The following GMPPA variants were observed in gnomAD, a reference collection of about 807,000 sequenced individuals.
The protein encoded by GMPPA is GDP-mannose pyrophosphorylase A.
Under a neutral mutation model 58.6 loss-of-function variants are expected in GMPPA, and 46 were observed. The ratio of observed to expected loss-of-function variants is 0.78; its 90% CI spans 0.62 to 1.00. The LOEUF is 1.00. GMPPA is among the 50% of genes least tolerant of loss of function. The pLI, the probability that GMPPA is intolerant of heterozygous loss-of-function variation, is 0.00. For synonymous variants in GMPPA, 211 were observed against 214.9 expected, an observed-to-expected ratio of 0.98 and a Z score of 0.16; for missense variants, 468 against 556.4, an observed-to-expected ratio of 0.84 and a Z score of 1.60.
chr2:219,506,550 T>TGTGCCAGG (rs2125644371), intron 12 of GMPPA, 128 bp downstream of exon 12: 1 of 1,069,872 alleles, frequency 9.3e-7, no homozygotes, highest in African/African-American at 1.6e-5. Flanking sequence ...GGGCCTGCTG[T>TGTGCCAGG]GTGCCAGGCC....
chr2:219,501,227 C>T (rs1694377547), intron 3 of GMPPA: 3 of 457,954 alleles, frequency 6.6e-6, no homozygotes. Context: ...CATGCCACTG[C>T]ACTCCAGCCT....
In GMPPA at chr2:219,506,897, T is replaced by TGG; in HGVS notation, c.*100_*101dup. 1 of 694,794 alleles carries TGG rather than the reference T, an allele frequency of 1.4e-6. No homozygotes were observed. The highest frequency in any genetic ancestry group is 2.6e-6 in the Non-Finnish European group (1 of 379,086). The allele number at this position is 694,794 out of a possible 1,614,324, so 43.0% of individuals were successfully genotyped here. ...CAGAAAGGACCAGAGAAAGCCAGGC[T>TGG]GGATCGTCACATGCCGGGGAGCAAT... On this transcript the variant is annotated 3_prime_UTR_variant, in exon 13 of 13. Coordinates refer to ENST00000313597, the MANE Select transcript of GMPPA (RefSeq NM_013335.4).
At chr2:219,499,476 C>A (rs1282955789) in intron 1 of GMPPA, among the ~76,000 whole-genome samples, 5 of 152,122 alleles carry the variant, frequency 3.3e-5, no homozygotes, top group African/African-American at 1.2e-4. Flanking sequence ...GAATTTGAGG[C>A]TTCAGTATTT....
In GMPPA at chr2:219,500,266, A is replaced by T. The variant is rs112923106; in HGVS notation, c.138+48A>T. On this transcript the variant is annotated intron_variant, in intron 3 of 12. Coordinates refer to ENST00000313597, the MANE Select transcript of GMPPA (RefSeq NM_013335.4). ...CTCACCTCACTTCCTGCTTATCTTC[A>T]TGCTGTTTCCCCCTTTCCCAACCAT... 50 of 1,017,870 alleles carry T rather than the reference A, an allele frequency of 4.9e-5. No homozygotes were observed. The East Asian group carries it at 6.5e-4, about 13-fold the overall frequency. 63.1% of individuals were successfully genotyped at this position (1,017,870 alleles called of 1,614,324 possible). A position where few individuals can be genotyped will look rare whatever the true frequency, so the allele number is the denominator to read the frequency against.
Position 219,504,088 on chromosome 2 carries a change from G to A in GMPPA, c.495G>A (p.Leu165=), listed in dbSNP as rs181901772. ...IVENPQTHEV[L]HYVEKPSTFI... The stretch of plus-strand genomic sequence containing the variant: ...CCAGCCTGCTCTGTCCTCAGGTATT[G>A]CACTATGTGGAGAAACCCAGCACAT... The change falls in exon 7 of 13, where the codon TTG becomes TTA. Residue 165 remains leucine, a synonymous_variant. Transcript: ENST00000313597. The A allele has an allele frequency of 2.4e-4, 394 of 1,614,146 alleles. No individual in the cohort carries two copies. In the East Asian group the frequency reaches 7.7e-3, roughly 31 times the overall value.
rs891187247 is a variant in GMPPA at position 219,502,747 on chromosome 2, T to C, written c.489+306T>C. On this transcript the variant is annotated intron_variant, in intron 6 of 12. Transcript: ENST00000313597. The surrounding 1 kb of genome is among the most constrained non-coding windows in gnomAD (Gnocchi z 4.0). ...AGAGGGCTTCCTGGAGGAAGCAAGG[T>C]CTGAGCAGAGTCCCATTTGTCTAGA... 1.3e-5 allele frequency among the ~76,000 whole-genome samples: 2 copies of C among 151,784 alleles called. No homozygotes were observed. Among genetic ancestry groups the C allele is most frequent in the Non-Finnish European group, 2.9e-5 (2 of 67,942 alleles).
chr2:219,503,842 G>A (rs1331303251), intron 6 of GMPPA, among the ~76,000 whole-genome samples: 3 of 152,238 alleles, frequency 2.0e-5, no homozygotes. Flanking sequence ...GAGGTAGGTG[G>A]TGGGGAGGAT....
rs568574377 is a variant in GMPPA, at chr2:219,500,131, C to G, written c.51C>G (p.Phe17Leu). The G allele has an allele frequency of 1.2e-6, 2 of 1,604,136 alleles. No individual in the cohort carries two copies. Among genetic ancestry groups the G allele is most frequent in the South Asian group, 2.2e-5 (2 of 89,932 alleles). ...TCTCTCCTCTCCCAGGAACTCGCTT[C>G]AGACCTTTGTCTTTTGAGGTGCCCA... ...LIGGPQKGTR[F>L]RPLSFEVPKP... is the part of the protein sequence containing the mutation. The change falls in exon 3 of 13, where the codon TTC becomes TTG. Residue 17 changes from phenylalanine to leucine, a missense_variant. By Grantham distance (22) the Phe-to-Leu change is conservative (BLOSUM62 0). Coordinates refer to ENST00000313597, the MANE Select transcript of GMPPA (RefSeq NM_013335.4).
Position 219,502,415 on chromosome 2 carries a change from A to G in GMPPA, c.463A>G (p.Ile155Val), listed in dbSNP as rs1359515119. 1.2e-6 allele frequency: 2 copies of G among 1,613,938 alleles called. No homozygotes were observed. Among genetic ancestry groups the G allele is most frequent in the African/African-American group, 2.7e-5 (2 of 75,008 alleles). Residue 155 changes from isoleucine (I) to valine (V), a missense_variant, in exon 6 of 13, where the codon ATC (isoleucine) becomes GTC (valine). By Grantham distance (29) the Ile-to-Val change is conservative. Transcript: ENST00000313597. The surrounding 1 kb of genome is among the most constrained non-coding windows in gnomAD (Gnocchi z 4.0). ...NRTQSLNYGC[I>V]VENPQTHEVL... ...GACGCAATCCCTCAACTACGGCTGC[A>G]TCGTTGAGAATCCACAGACACACGA...
At chr2:219,504,347 A>G in intron 7 of GMPPA, 134 bp downstream of exon 7, 1 of 785,788 alleles carries the variant, frequency 1.3e-6, no homozygotes, top group Non-Finnish European at 2.0e-6. Context: ...TGCCATCTCC[A>G]GCAGAGCCTC....
At chr2:219,499,933 G>C (rs763260373) in intron 1 of GMPPA, 23 bp from the exon 2 acceptor site, 1 of 1,598,026 alleles carries the variant, frequency 6.3e-7, no homozygotes, top group Admixed American at 1.7e-5. Flanking sequence ...ATCTGAGCTT[G>C]ATTTCTCTGT....
In GMPPA at chr2:219,506,433, C is replaced by T; in HGVS notation, c.1162+11C>T. On this transcript the variant is annotated intron_variant, in intron 12 of 12. Coordinates refer to ENST00000313597, the MANE Select transcript of GMPPA (RefSeq NM_013335.4). ...CTATCACCATCCTGGGTATGGCTTCCTGGGGGCCAGGGCTGGGGGAACCCC... is the reference window on the plus strand; with the variant it reads ...CTATCACCATCCTGGGTATGGCTTCTTGGGGGCCAGGGCTGGGGGAACCCC... 6.2e-7 allele frequency: 1 copy of T among 1,607,954 alleles called. No homozygotes were observed. The highest frequency in any genetic ancestry group is 8.5e-7 in the Non-Finnish European group (1 of 1,177,156).
In GMPPA at chr2:219,505,339, C is replaced by G. The variant is rs922439651; in HGVS notation, c.732C>G (p.Ile244Met). Reference protein sequence around the residue: ...GQIYVHLTDGIWSQIKSAGSA... With the variant: ...GQIYVHLTDGMWSQIKSAGSA... ...TATACGTGCATCTCACTGATGGTAT[C>G]TGGAGTCAGATCAAGTCCGCAGGGT... Residue 244 changes from isoleucine to methionine, a missense_variant, in exon 8 of 13, where the codon ATC becomes ATG. Coordinates refer to ENST00000313597, the MANE Select transcript of GMPPA (RefSeq NM_013335.4). 2 of 1,613,830 alleles carry G rather than the reference C, an allele frequency of 1.2e-6. No homozygotes were observed. Among genetic ancestry groups the G allele is most frequent in the African/African-American group, 2.7e-5 (2 of 74,938 alleles).
rs372233472 is a variant in GMPPA, at chr2:219,503,917, CAG to C, written c.490-165_490-164del. 2.7e-3 allele frequency among the ~76,000 whole-genome samples: 408 copies of C among 152,314 alleles called. 2 individuals carry two copies. The highest frequency in any genetic ancestry group is 9.3e-3 in the African/African-American group (386 of 41,562). ...TGAATCAGGTGAAGGGCAGTCATCT[CAG>C]GGTTTAAAGCCAGGCAGCAGTAGGA... On this transcript the variant is annotated intron_variant, in intron 6 of 12. Coordinates refer to ENST00000313597, the MANE Select transcript of GMPPA (RefSeq NM_013335.4).
rs761791232 is a variant in GMPPA at position 219,501,953 on chromosome 2, T to C, written c.345T>C (p.Ala115=). The C allele has an allele frequency of 1.9e-5, 31 of 1,614,034 alleles. No individual in the cohort carries two copies. The African/African-American group carries it at 3.6e-4, about 19-fold the overall frequency. The change falls in exon 5 of 13, where the codon GCT becomes GCC. Residue 115 remains alanine, a synonymous_variant. Transcript: ENST00000313597. ...GSPEAFFVLN[A]DVCSDFPLSA... ...CCGAGGCATTCTTCGTGCTCAATGC[T>C]GATGTCTGCTCCGACTTCCCCTTGA...
rs1694540684 is a variant in GMPPA, at chr2:219,505,322, C to T, written c.715C>T (p.His239Tyr). Residue 239 changes from histidine to tyrosine, a missense_variant, in exon 8 of 13, where the codon CAT (histidine) becomes TAT (tyrosine). Coordinates refer to ENST00000313597, the MANE Select transcript of GMPPA (RefSeq NM_013335.4). ...ALAGQGQIYV[H>Y]LTDGIWSQIK... ...GGCAGGGCAGGGCCAGATATACGTG[C>T]ATCTCACTGATGGTATCTGGAGTCA... The T allele has an allele frequency of 6.2e-7, 1 of 1,613,890 alleles. No homozygotes were observed. The highest frequency in any genetic ancestry group is 1.1e-5 in the South Asian group (1 of 91,030).
Position 219,505,768 on chromosome 2 carries a change from A to T in GMPPA, c.900+7A>T, listed in dbSNP as rs554955899. Reference sequence around the variant, plus strand: ...GGTGGCCCCCTCGGCTGTGGTGAGCACTGGTCCCAGCCCCAGGGAGGGAAG... The same window carrying T: ...GGTGGCCCCCTCGGCTGTGGTGAGCTCTGGTCCCAGCCCCAGGGAGGGAAG... On this transcript the variant is annotated splice_region_variant and intron_variant, in intron 10 of 12. Transcript: ENST00000313597. 6.3e-7 allele frequency: 1 copy of T among 1,598,074 alleles called. No homozygotes were observed. Among genetic ancestry groups the T allele is most frequent in the South Asian group, 1.1e-5 (1 of 90,348 alleles).
Position 219,505,755 on chromosome 2 carries a change from G to A in GMPPA, c.894G>A (p.Ser298=), listed in dbSNP as rs771155229. Residue 298 remains serine (S), a synonymous_variant, in exon 10 of 13, where the codon TCG becomes TCA. Transcript: ENST00000313597. ...ACCCGACCGCCAAGGTGGCCCCCTC[G>A]GCTGTGGTGAGCACTGGTCCCAGCC... is the stretch of plus-strand genomic sequence containing the variant. ...YIHPTAKVAP[S]AVLGPNVSIG... 23 of 1,606,890 alleles carry A rather than the reference G, an allele frequency of 1.4e-5. No homozygotes were observed. Among genetic ancestry groups the A allele is most frequent in the Admixed American group, 1.2e-4 (7 of 59,868 alleles).
chr2:219,501,606 G>T (rs772906560), intron 4 of GMPPA, 27 bp downstream of exon 4: 2 of 1,394,598 alleles, frequency 1.4e-6, no homozygotes, highest in Non-Finnish European at 2.0e-6. Context: ...TCGTATATGG[G>T]GGGGTGGGGA....
Sources: allele counts gnomAD v4.1 joint callset (sites outside exome capture counted in the v4.1 genomes callset), GRCh38; gene constraint gnomAD v4.1.1; non-coding constraint Gnocchi (gnomAD v3.1); transcripts MANE v1.5; gene names NCBI Gene and HGNC (gene_info 2026-07-23, HGNC 2026-07-21).